Variants in ADAMTSL2 observed in about 807,000 individuals in gnomAD.
ADAMTSL2 encodes the protein ADAMTS like 2.
Under a neutral mutation model 117.0 loss-of-function variants are expected in ADAMTSL2, and 55 were observed. The observed-to-expected ratio is 0.47, with a 90% CI of 0.38 to 0.59. The LOEUF (loss-of-function observed/expected upper bound fraction) is 0.59. ADAMTSL2 is among the 20% of genes least tolerant of loss of function. The probability of loss-of-function intolerance (pLI) is 0.00; values close to 1 mark genes in which losing one functional copy is unlikely to be tolerated. For synonymous variants in ADAMTSL2, 572 were observed against 566.4 expected (o/e 1.01, Z -0.14); for missense variants, 1,182 against 1,354.5 (o/e 0.87, Z 2.00).
chr9:133,549,911 G>A (rs1162859847), intron 9 of ADAMTSL2, among the ~76,000 whole-genome samples: 1 of 152,228 alleles, frequency 6.6e-6, no homozygotes, highest in Admixed American at 6.5e-5. Context: ...CAGTCCCCAA[G>A]TGGTGGCTGG....
chr9:133,543,836 C>G (rs998556966), intron 7 of ADAMTSL2, among the ~76,000 whole-genome samples: 7 of 152,226 alleles, frequency 4.6e-5, no homozygotes, highest in African/African-American at 1.7e-4. Flanking sequence ...ACCTCCCCTC[C>G]AGACCCTTGG....
At chr9:133,566,892 A>AGGTGCCG (rs1830986046) in intron 12 of ADAMTSL2, 44 bp from the exon 13 acceptor site, 22 of 1,585,700 alleles carry the variant, frequency 1.4e-5, no homozygotes, top group Non-Finnish European at 1.9e-5. Flanking sequence ...CTGGGCTCCA[A>AGGTGCCG]GGTGCCGGCA....
chr9:133,540,179 A>G (rs1446931784), intron 5 of ADAMTSL2, among the ~76,000 whole-genome samples: 1 of 152,174 alleles, frequency 6.6e-6, no homozygotes, highest in Non-Finnish European at 1.5e-5. Flanking sequence ...ACCAGCCTAG[A>G]CGATCCCAAA....
intron 5 of ADAMTSL2, 138 bp from the exon 6 acceptor site, chr9:133,540,460 C>G: frequency 1.7e-6 from 2 of 1,197,934 alleles, no homozygotes; most frequent in South Asian, 1.3e-5. Context: ...GAGACCTGGA[C>G]AGGTTCCTTC....
At chr9:133,539,482 C>T (rs1035505099) in intron 4 of ADAMTSL2, among the ~76,000 whole-genome samples, 3 of 152,214 alleles carry the variant, frequency 2.0e-5, no homozygotes, top group Non-Finnish European at 2.9e-5. Flanking sequence ...ATGTCCCCTC[C>T]ACCGCAAGGC....
At position 133,538,438 on chromosome 9, in the gene ADAMTSL2, C is replaced by A; in HGVS notation, c.309+14C>A. The A allele has an allele frequency of 6.2e-7, 1 of 1,612,628 alleles. No homozygotes were observed. Among genetic ancestry groups the A allele is most frequent in the South Asian group, 1.1e-5 (1 of 91,056 alleles). Reference sequence around the variant, plus strand: ...TGCAGAGTGCAGGTGAGGCCCGGCCCGGGCAGGGGCACCATGGCCTGCTCT... The same window carrying A: ...TGCAGAGTGCAGGTGAGGCCCGGCCAGGGCAGGGGCACCATGGCCTGCTCT... On this transcript the variant is annotated intron_variant, in intron 4 of 18. Transcript: ENST00000651351.
intron 2 of ADAMTSL2, 79 bp downstream of exon 2, chr9:133,536,881 TGGA>T (rs966491227): frequency 1.2e-6 from 2 of 1,600,500 alleles, no homozygotes; most frequent in African/African-American, 2.7e-5. Context: ...TGGACTGGCT[TGGA>T]GGGAGCCGTG....
At chr9:133,560,333 CG>C (rs1453421320) in intron 11 of ADAMTSL2, among the ~76,000 whole-genome samples, 46 of 152,206 alleles carry the variant, frequency 3.0e-4, no homozygotes, top group Non-Finnish European at 6.0e-4. Flanking sequence ...TCCACCGCGC[CG>C]GCTTGCCATC....
rs1047075955 is a variant in ADAMTSL2 at position 133,568,304 on chromosome 9, C to G, written c.1906C>G (p.Arg636Gly). The G allele has an allele frequency of 1.2e-5, 19 of 1,575,832 alleles. No individual in the cohort carries two copies. The highest frequency in any genetic ancestry group is 1.2e-5 in the Non-Finnish European group (14 of 1,161,940). The change falls in exon 14 of 19, where the codon CGC (arginine) becomes GGC (glycine). Residue 636 changes from arginine to glycine, a missense_variant. By Grantham distance (125) the Arg-to-Gly change is moderately radical (BLOSUM62 -2). Around this residue, in one of 3 missense-constraint regions of ADAMTSL2, gnomAD observed 465 missense variants for 565.3 expected, o/e 0.82. Transcript: ENST00000651351. ...GACGAGCAGCTGGAGCGAGTGTTCG[C>G]GCACCTGCGGAGAGGGCTACCAGTT... is the stretch of plus-strand genomic sequence containing the variant. ...WETSSWSECS[R>G]TCGEGYQFRV...
At chr9:133,569,305 C>G (rs1384028115) in intron 15 of ADAMTSL2, 103 bp from the exon 16 acceptor site, 1 of 1,239,148 alleles carries the variant, frequency 8.1e-7, no homozygotes, top group Non-Finnish European at 1.2e-6. Flanking sequence ...ACCGCTTCGA[C>G]ACTGCCTGGG....
At chr9:133,545,592 C>G (rs937045611) in intron 8 of ADAMTSL2, among the ~76,000 whole-genome samples, 3 of 152,226 alleles carry the variant, frequency 2.0e-5, no homozygotes, top group Non-Finnish European at 2.9e-5. Context: ...TACTCCCTGG[C>G]CCGAGCGGGG....
At chr9:133,570,778 T>C (rs972069655) in intron 17 of ADAMTSL2, among the ~76,000 whole-genome samples, 1 of 152,182 alleles carries the variant, frequency 6.6e-6, no homozygotes, top group East Asian at 1.9e-4. Context: ...CGGCCTCGAA[T>C]TGTGGCCTCT....
rs149212782 is a variant in ADAMTSL2 at position 133,540,724 on chromosome 9, G to A, written c.539G>A (p.Cys180Tyr). ...SCKLTDLRGV[C>Y]VSGKCEPIGC... ...AAGCTCACTGACCTGCGAGGGGTTT[G>A]CGTGTCTGGAAAATGTGAGGTTGTT... is the stretch of plus-strand genomic sequence containing the variant. Residue 180 changes from cysteine (C) to tyrosine (Y), a missense_variant, in exon 6 of 19, where the codon TGC becomes TAC. Cys to Tyr is a radical substitution (Grantham distance 194). Around this residue, in one of 3 missense-constraint regions of ADAMTSL2, gnomAD observed 372 missense variants for 463.4 expected, o/e 0.80. Transcript: ENST00000651351. 4 of 1,613,926 alleles carry A rather than the reference G, an allele frequency of 2.5e-6. No individual in the cohort carries two copies.
chr9:133,538,584 C>T (rs909539424), intron 4 of ADAMTSL2, among the ~76,000 whole-genome samples, 160 bp downstream of exon 4: 1 of 152,218 alleles, frequency 6.6e-6, no homozygotes, highest in Admixed American at 6.5e-5. Context: ...TGCGGGGGGC[C>T]CTGGGCTAGT....
chr9:133,569,293 C>G (rs1588310081), intron 15 of ADAMTSL2, 115 bp from the exon 16 acceptor site: 1 of 1,029,048 alleles, frequency 9.7e-7, no homozygotes, highest in East Asian at 2.6e-5. Context: ...GTTACCATGG[C>G]AACCGCTTCG....
Position 133,568,390 on chromosome 9 carries a change from C to T in ADAMTSL2, c.1992C>T (p.Asp664=). ...GCTTCGACAGCTCCGTGTACAGCGACCTGTGCGAGGCAGCCGAGGCCGTGC... is the reference window on the plus strand; with the variant it reads ...GCTTCGACAGCTCCGTGTACAGCGATCTGTGCGAGGCAGCCGAGGCCGTGC... ...SPGFDSSVYS[D]LCEAAEAVRP... is the part of the protein sequence containing the mutation. The change falls in exon 14 of 19, where the codon GAC becomes GAT. Residue 664 remains aspartate (D), a synonymous_variant. Coordinates refer to ENST00000651351, the MANE Select transcript of ADAMTSL2 (RefSeq NM_014694.4). 1 of 1,607,350 alleles carries T rather than the reference C, an allele frequency of 6.2e-7. No individual in the cohort carries two copies. The highest frequency in any genetic ancestry group is 1.1e-5 in the South Asian group (1 of 89,922).
At chr9:133,561,685 C>CCTGTGAT (rs1375587521) in intron 12 of ADAMTSL2, among the ~76,000 whole-genome samples, 4 of 152,144 alleles carry the variant, frequency 2.6e-5, no homozygotes, top group Non-Finnish European at 5.9e-5. Flanking sequence ...GTCATAGGCC[C>CCTGTGAT]CTGTGATCTG....
At chr9:133,553,711 C>G (rs886429305) in intron 9 of ADAMTSL2, among the ~76,000 whole-genome samples, 1 of 152,206 alleles carries the variant, frequency 6.6e-6, no homozygotes, top group Non-Finnish European at 1.5e-5. Context: ...CCTGCCTGCT[C>G]CTGACACCAG....
Position 133,558,416 on chromosome 9 carries a change from A to G in ADAMTSL2, c.1649+2486A>G, listed in dbSNP as rs1830655283. Among the ~76,000 whole-genome samples the G allele has an allele frequency of 6.6e-6, 1 of 152,214 alleles. No individual in the cohort carries two copies. The highest frequency in any genetic ancestry group is 2.1e-4 in the South Asian group (1 of 4,836). ...AGGGGCAGCCCAGAAAGGAAAGGCTATTTTCATCTTTCCAGAAAAGCTTCA... is the reference window on the plus strand; with the variant it reads ...AGGGGCAGCCCAGAAAGGAAAGGCTGTTTTCATCTTTCCAGAAAAGCTTCA... On this transcript the variant is annotated intron_variant, in intron 11 of 18. Transcript: ENST00000651351. The surrounding 1 kb of genome is among the most constrained non-coding windows in gnomAD (Gnocchi z 4.3).
Sources: gnomAD v4.1 joint callset for allele counts (sites outside exome capture counted in the v4.1 genomes callset) on GRCh38, gnomAD v4.1.1 for gene constraint, gnomAD v4.1.1 regional missense constraint, Gnocchi (gnomAD v3.1) non-coding constraint, MANE v1.5 for transcripts, NCBI Gene and HGNC (gene_info 2026-07-23, HGNC 2026-07-21) for gene names.